The following PSG7 variants were observed in gnomAD, a reference collection of about 807,000 sequenced individuals.
PSG7 encodes pregnancy-specific beta-1-glycoprotein 7.
A neutral mutation model predicts 45.6 loss-of-function variants in PSG7; 57 were observed. The ratio of observed to expected loss-of-function variants is 1.25; its 90% CI spans 1.01 to 1.56. The LOEUF (loss-of-function observed/expected upper bound fraction) is 1.56. PSG7 is among the 40% of genes most tolerant of loss of function. The pLI, the probability that PSG7 is intolerant of heterozygous loss-of-function variation, is 0.00. For synonymous variants in PSG7, 298 were observed against 194.4 expected (o/e 1.53, Z -4.43); for missense variants, 796 against 508.4 (o/e 1.57, Z -5.44).
At chr19:42,928,043 G>A (rs1429830269) in intron 3 of PSG7, among the ~76,000 whole-genome samples, 3 of 151,618 alleles carry the variant, frequency 2.0e-5, no homozygotes, top group East Asian at 1.9e-4. Context: ...GTAGGCATAA[G>A]TGGGAGGTGA....
At position 42,937,010 on chromosome 19, in the gene PSG7, C is replaced by T. The variant is rs1973165879; in HGVS notation, c.64+3G>A. 3 of 1,611,228 alleles carry T rather than the reference C, an allele frequency of 1.9e-6. No homozygotes were observed. The highest frequency in any genetic ancestry group is 2.5e-6 in the Non-Finnish European group (3 of 1,178,342). ...GTCCTCTCCCAGGAAGTTCTCTCCT[C>T]ACCTGTGAGCAGGAGCCCTTTCCAG... On this transcript the variant is annotated splice_donor_region_variant and intron_variant, in intron 1 of 5. Transcript: ENST00000406070.
intron 2 of PSG7, among the ~76,000 whole-genome samples, chr19:42,932,365 G>A (rs571661719): frequency 2.6e-5 from 4 of 151,604 alleles, no homozygotes; most frequent in South Asian, 2.1e-4. Flanking sequence ...TTTGTTCAGC[G>A]TTTTACTTAG....
rs371169466 is a variant in PSG7 at position 42,931,488 on chromosome 19, G to A, written c.431-1768C>T. Among the ~76,000 whole-genome samples the A allele has an allele frequency of 4.6e-5, 7 of 151,604 alleles. No individual in the cohort carries two copies. The East Asian group carries it at 1.4e-3, about 29-fold the overall frequency. ...TTAGTAAATATAGAAAGAACTGCCT[G>A]CTTATAATTTCTGGGCAGAGTTAGG... On this transcript the variant is annotated intron_variant, in intron 2 of 5. Transcript: ENST00000406070.
intron 2 of PSG7, among the ~76,000 whole-genome samples, chr19:42,932,721 G>T (rs1417599192): frequency 1.3e-5 from 2 of 151,530 alleles, no homozygotes; most frequent in Non-Finnish European, 2.9e-5. Context: ...AATGATGATA[G>T]TTCCTCCATA....
chr19:42,929,919 G>A (rs185548737), intron 2 of PSG7, among the ~76,000 whole-genome samples, 199 bp from the exon 3 acceptor site: 2 of 151,680 alleles, frequency 1.3e-5, no homozygotes, highest in East Asian at 1.9e-4. Context: ...TTATGTGGGA[G>A]AAGCATGGAC....
In PSG7 at chr19:42,929,183, G is replaced by C. The variant is rs368256852; in HGVS notation, c.709+259C>G. On this transcript the variant is annotated intron_variant, in intron 3 of 5. Coordinates refer to ENST00000406070, the MANE Select transcript of PSG7 (RefSeq NM_002783.3). ...AAATCCCCGCTGTGTTCATGATCTG[G>C]AGCCTGAGACATTCACCTGTTTCTT... 1.5e-4 allele frequency: 122 copies of C among 811,244 alleles called. 5 individuals carry two copies. Among genetic ancestry groups the C allele is most frequent in the South Asian group, 1.4e-3 (65 of 44,974 alleles). The allele number at this position is 811,244 out of a possible 1,614,324, so 50.3% of individuals were successfully genotyped here.
At position 42,929,142 on chromosome 19, in the gene PSG7, C is replaced by A. The variant is rs375551367; in HGVS notation, c.709+300G>T. 90 of 557,640 alleles carry A rather than the reference C, an allele frequency of 1.6e-4. 2 individuals carry two copies. The highest frequency in any genetic ancestry group is 1.5e-3 in the South Asian group (48 of 32,258). The allele number at this position is 557,640 out of a possible 1,614,324, so 34.5% of individuals were successfully genotyped here. ...AGTGACCCTGTGAGTCAAGTCGCAA[C>A]ACTGAAGTCCCAGCCAAATCCCCGC... On this transcript the variant is annotated intron_variant, in intron 3 of 5. Coordinates refer to ENST00000406070, the MANE Select transcript of PSG7 (RefSeq NM_002783.3).
At chr19:42,926,785 T>G in intron 3 of PSG7, 69 bp from the exon 4 acceptor site, 3 of 1,585,826 alleles carry the variant, frequency 1.9e-6, no homozygotes, top group Non-Finnish European at 2.6e-6. Flanking sequence ...ATCCTTCAAT[T>G]AGAGTTGGCA....
chr19:42,932,529 G>A (rs1437893673), intron 2 of PSG7, among the ~76,000 whole-genome samples: 2 of 151,310 alleles, frequency 1.3e-5, no homozygotes, highest in African/African-American at 2.4e-5. Context: ...TTTGGGAACT[G>A]CAGGCCCTTC....
Position 42,935,502 on chromosome 19 carries a change from T to C in PSG7, c.332A>G (p.Asn111Ser). ...VYSNASLLIQ[N>S]VTQEDTGSYT... is the part of the protein sequence containing the mutation. ...GGATCCTGTGTCTTCCTGGGTGACA[T>C]TCTGGATCAGCAGGGATGCATTGGA... Residue 111 changes from asparagine (N) to serine (S), a missense_variant, in exon 2 of 6, where the codon AAT becomes AGT. Transcript: ENST00000406070. 3 of 1,612,228 alleles carry C rather than the reference T, an allele frequency of 1.9e-6. No individual in the cohort carries two copies. Among genetic ancestry groups the C allele is most frequent in the Non-Finnish European group, 2.5e-6 (3 of 1,179,040 alleles).
At chr19:42,929,164 C>T in intron 3 of PSG7, 1 of 688,920 alleles carries the variant, frequency 1.5e-6, no homozygotes, top group African/African-American at 1.8e-5. Flanking sequence ...AGCCAAATCC[C>T]CGCTGTGTTC....
In PSG7 at chr19:42,929,544, A is replaced by T. The variant is rs777091929; in HGVS notation, c.607T>A (p.Tyr203Asn). 2.5e-6 allele frequency: 4 copies of T among 1,612,620 alleles called. No homozygotes were observed. The South Asian group carries it at 4.4e-5, about 18-fold the overall frequency. ...GTATAGTTTGTGACACCAAATAGGT[A>T]GAGGGTCCTGTTGGTTTCAGACAGC... ...LQLSETNRTL[Y>N]LFGVTNYTAG... Residue 203 changes from tyrosine (Y) to asparagine (N), a missense_variant, in exon 3 of 6, where the codon TAC (tyrosine) becomes AAC (asparagine). By Grantham distance (143) the Tyr-to-Asn change is moderately radical. Transcript: ENST00000406070.
At chr19:42,929,838 A>T in intron 2 of PSG7, 118 bp from the exon 3 acceptor site, 1 of 1,418,774 alleles carries the variant, frequency 7.0e-7, no homozygotes, top group South Asian at 1.4e-5. Flanking sequence ...TTAAAAGCCC[A>T]TGGCAGGTGT....
intron 2 of PSG7, among the ~76,000 whole-genome samples, chr19:42,932,489 G>T (rs1383431279): frequency 1.3e-5 from 2 of 151,416 alleles, no homozygotes; most frequent in East Asian, 3.9e-4. Context: ...ATGGAGTCAC[G>T]AGTGAAATGG....
Position 42,937,068 on chromosome 19 carries a change from G to C in PSG7, c.9C>G (p.Pro3=), listed in dbSNP as rs1275195976. 3 of 1,611,342 alleles carry C rather than the reference G, an allele frequency of 1.9e-6. No individual in the cohort carries two copies. Among genetic ancestry groups the C allele is most frequent in the Non-Finnish European group, 2.5e-6 (3 of 1,178,450 alleles). MG[P]LSAPPCTQHI... ...GCTGTGTGCAGGGAGGGGCTGAGAG[G>C]GGCCCCATGGTCTCTGCTCCCTGCG... Residue 3 remains proline, a synonymous_variant, in exon 1 of 6, where the codon CCC becomes CCG. Coordinates refer to ENST00000406070, the MANE Select transcript of PSG7 (RefSeq NM_002783.3).
intron 2 of PSG7, among the ~76,000 whole-genome samples, chr19:42,930,789 G>A (rs369357970): frequency 1.1e-4 from 16 of 151,706 alleles, no homozygotes; most frequent in South Asian, 2.1e-4. Flanking sequence ...GCACTGTTCC[G>A]TGGGTGTGTG....
intron 2 of PSG7, among the ~76,000 whole-genome samples, chr19:42,933,891 G>A (rs1212541510): frequency 2.0e-5 from 3 of 151,398 alleles, no homozygotes; most frequent in Non-Finnish European, 4.4e-5. Context: ...AGGGGCAAGA[G>A]GTAGTGGGGT....
chr19:42,926,600 T>A lies in PSG7; in HGVS notation c.826A>T (p.Asn276Tyr), dbSNP rs1324651434. ...SENYTYIWWLNGQSLPVSPRV... is the reference protein window; with the variant it reads ...SENYTYIWWLYGQSLPVSPRV... ...GGACTGACCGGGAGGCTCTGACCATTTAGCCACCAAATGTAGGTGTAGTTC... is the reference window on the plus strand; with the variant it reads ...GGACTGACCGGGAGGCTCTGACCATATAGCCACCAAATGTAGGTGTAGTTC... The change falls in exon 4 of 6, where the codon AAT (asparagine) becomes TAT (tyrosine). Residue 276 changes from asparagine to tyrosine, a missense_variant. Asn to Tyr is a moderately radical substitution (Grantham distance 143, BLOSUM62 -2). Coordinates refer to ENST00000406070, the MANE Select transcript of PSG7 (RefSeq NM_002783.3). 6.2e-7 allele frequency: 1 copy of A among 1,610,272 alleles called. No individual in the cohort carries two copies. Among genetic ancestry groups the A allele is most frequent in the Admixed American group, 1.7e-5 (1 of 59,886 alleles).
intron 2 of PSG7, among the ~76,000 whole-genome samples, chr19:42,930,990 C>T (rs1249107719): frequency 1.3e-5 from 2 of 151,448 alleles, no homozygotes; most frequent in Admixed American, 6.6e-5. Context: ...ATTTAAAATC[C>T]ACAATGCGCC....
Sources: gnomAD v4.1 joint callset for allele counts (sites outside exome capture counted in the v4.1 genomes callset) on GRCh38, gnomAD v4.1.1 for gene constraint, MANE v1.5 for transcripts, NCBI Gene and HGNC (gene_info 2026-07-23, HGNC 2026-07-21) for gene names.